FHOD3: variants seen among roughly 807,000 people sequenced by gnomAD.
FHOD3 encodes formin homology 2 domain containing 3.
A neutral mutation model predicts 173.0 loss-of-function variants in FHOD3; 90 were observed. That is an observed-to-expected ratio of 0.52 (90% CI 0.44 to 0.62). The LOEUF (loss-of-function observed/expected upper bound fraction) is 0.62. Ranked by LOEUF, FHOD3 falls within the 20% of genes least tolerant of loss-of-function variation. The pLI is 0.00. For synonymous variants in FHOD3, 828 were observed against 823.0 expected, an observed-to-expected ratio of 1.01 and a Z score of -0.10; for missense variants, 1,945 against 2,034.7, an observed-to-expected ratio of 0.96 and a Z score of 0.85.
At chr18:36,658,227 A>G (rs1439831087) in intron 14 of FHOD3, 39 bp downstream of exon 14, 1 of 1,353,212 alleles carries the variant, frequency 7.4e-7, no homozygotes, top group Non-Finnish European at 1.0e-6. Flanking sequence ...CACAGTCCTC[A>G]AGTGAGGGGA....
chr18:36,514,138 A>G (rs2055825753), intron 5 of FHOD3, among the ~76,000 whole-genome samples: 1 of 150,670 alleles, frequency 6.6e-6, no homozygotes, highest in East Asian at 1.9e-4. Flanking sequence ...CCTCCCGAGT[A>G]GCTGGGACTA....
At chr18:36,302,324 T>C (rs563428195) in intron 1 of FHOD3, among the ~76,000 whole-genome samples, 1 of 152,330 alleles carries the variant, frequency 6.6e-6, no homozygotes, top group East Asian at 1.9e-4. Context: ...AGAATCTAGC[T>C]ACTCCAAGTG....
chr18:36,462,610 T>C (rs2052625901), intron 3 of FHOD3, among the ~76,000 whole-genome samples: 1 of 152,060 alleles, frequency 6.6e-6, no homozygotes, highest in African/African-American at 2.4e-5. Context: ...GATTACAGGC[T>C]GTTTGTTTGT....
intron 9 of FHOD3, among the ~76,000 whole-genome samples, chr18:36,613,174 C>T (rs899835808): frequency 4.6e-5 from 7 of 152,220 alleles, no homozygotes; most frequent in African/African-American, 1.2e-4. Flanking sequence ...CTTCCAGTCC[C>T]GCAGAACTCC....
intron 1 of FHOD3, among the ~76,000 whole-genome samples, chr18:36,301,946 A>G (rs897875144): frequency 1.2e-4 from 18 of 152,206 alleles, no homozygotes; most frequent in Non-Finnish European, 2.1e-4. Context: ...GTCATGTCCT[A>G]GGCATTTGCC....
At chr18:36,708,979 G>A in intron 17 of FHOD3, 116 bp from the exon 18 acceptor site, 1 of 1,271,110 alleles carries the variant, frequency 7.9e-7, no homozygotes, top group Non-Finnish European at 1.1e-6. Context: ...GTCTCTTGGG[G>A]GCCATCTTTG....
intron 9 of FHOD3, among the ~76,000 whole-genome samples, chr18:36,621,610 C>G (rs2033715368): frequency 6.6e-6 from 1 of 152,196 alleles, no homozygotes; most frequent in African/African-American, 2.4e-5. Context: ...AGGCAAGTCC[C>G]AGTGTGTAAA....
intron 1 of FHOD3, among the ~76,000 whole-genome samples, chr18:36,322,747 C>G (rs1013654432): frequency 2.0e-5 from 3 of 152,184 alleles, no homozygotes; most frequent in Non-Finnish European, 4.4e-5. Flanking sequence ...ACCTTAGCTC[C>G]TTGCATTCCT....
intron 21 of FHOD3, 77 bp from the exon 22 acceptor site, chr18:36,742,660 C>T (rs1003031313): frequency 6.7e-7 from 1 of 1,493,868 alleles, no homozygotes; most frequent in Non-Finnish European, 9.1e-7. Context: ...GTGTTATTCC[C>T]TTATACAAAA....
chr18:36,649,410 C>T lies in FHOD3; in HGVS notation c.1286+5C>T, dbSNP rs1229468480. 1.3e-6 allele frequency: 2 copies of T among 1,534,262 alleles called. No homozygotes were observed. Among genetic ancestry groups the T allele is most frequent in the African/African-American group, 1.4e-5 (1 of 72,950 alleles). On this transcript the variant is annotated splice_donor_5th_base_variant and intron_variant, in intron 11 of 28. Transcript: ENST00000590592. The stretch of plus-strand genomic sequence containing the variant: ...TTCCTGTCAGGGCAAGGACAGGTAC[C>T]TAGGACTGGAGCCTCCCAAGCTCAC...
At chr18:36,573,370 C>CT (rs2058524291) in intron 5 of FHOD3, among the ~76,000 whole-genome samples, 1 of 150,828 alleles carries the variant, frequency 6.6e-6, no homozygotes, top group South Asian at 2.1e-4. Context: ...TTTGGGATTC[C>CT]AAGGCTGGTG....
intron 3 of FHOD3, among the ~76,000 whole-genome samples, chr18:36,398,562 C>T (rs1188738454): frequency 6.6e-6 from 1 of 152,094 alleles, no homozygotes; most frequent in Non-Finnish European, 1.5e-5. Context: ...GGGAGTGGAG[C>T]TGTTGTGTAG....
chr18:36,376,444 A>G (rs575867022), intron 3 of FHOD3, among the ~76,000 whole-genome samples: 65 of 152,336 alleles, frequency 4.3e-4, no homozygotes, highest in Admixed American at 5.9e-4. Flanking sequence ...ATTTGGGTGA[A>G]GATTCCAAAA....
intron 1 of FHOD3, among the ~76,000 whole-genome samples, chr18:36,331,052 A>G (rs1232630676): frequency 6.6e-6 from 1 of 151,286 alleles, no homozygotes; most frequent in African/African-American, 2.5e-5. Flanking sequence ...TCTGGGCGCA[A>G]ATCTCTTTGT....
Position 36,760,855 on chromosome 18 carries a change from C to T in FHOD3, c.4624+73C>T. On this transcript the variant is annotated intron_variant, in intron 27 of 28. Transcript: ENST00000590592. The stretch of plus-strand genomic sequence containing the variant: ...CTCTGGGGGGGTCCGGTCTCCATCG[C>T]AGGCTGCGGTCCACGGCTGTGACTG... 2.1e-6 allele frequency: 3 copies of T among 1,457,492 alleles called. No homozygotes were observed. In the African/African-American group the frequency reaches 4.2e-5, roughly 20 times the overall value. 90.3% of individuals were successfully genotyped at this position (1,457,492 alleles called of 1,614,324 possible). A position where few individuals can be genotyped will look rare whatever the true frequency, so the allele number is the denominator to read the frequency against.
intron 5 of FHOD3, among the ~76,000 whole-genome samples, chr18:36,515,122 A>C (rs1163694042): frequency 6.6e-6 from 1 of 152,232 alleles, no homozygotes; most frequent in Non-Finnish European, 1.5e-5. Flanking sequence ...TATGAATTGT[A>C]CTTGCTGGCA....
chr18:36,302,180 A>G (rs942474887), intron 1 of FHOD3, among the ~76,000 whole-genome samples: 9 of 152,184 alleles, frequency 5.9e-5, no homozygotes, highest in Non-Finnish European at 1.0e-4. Context: ...CAGCCTGTCC[A>G]CATTTCAGCG....
At chr18:36,681,384 T>G in intron 14 of FHOD3, 52 bp from the exon 15 acceptor site, 5 of 1,608,774 alleles carry the variant, frequency 3.1e-6, no homozygotes, top group Non-Finnish European at 4.3e-6. Context: ...CTTACTTCAG[T>G]ACTTTTAATC....
intron 1 of FHOD3, among the ~76,000 whole-genome samples, chr18:36,328,575 T>C (rs1330333392): frequency 6.6e-6 from 1 of 152,120 alleles, no homozygotes; most frequent in Non-Finnish European, 1.5e-5. Flanking sequence ...AGTGTCCTGA[T>C]CTGACTCATA....
Sources: gnomAD v4.1 joint callset for allele counts (sites outside exome capture counted in the v4.1 genomes callset) on GRCh38, gnomAD v4.1.1 for gene constraint, MANE v1.5 for transcripts, NCBI Gene and HGNC (gene_info 2026-07-23, HGNC 2026-07-21) for gene names.